The following NEXMIF variants were observed in gnomAD, a reference collection of about 807,000 sequenced individuals.
NEXMIF encodes neurite extension and migration factor.
A neutral mutation model predicts 62.1 loss-of-function variants in NEXMIF; 8 were observed. That is an observed-to-expected ratio of 0.13 (90% CI 0.08 to 0.23). NEXMIF has a LOEUF of 0.23. Ranked by LOEUF, NEXMIF falls within the 10% of genes least tolerant of loss-of-function variation. The pLI, the probability that NEXMIF is intolerant of heterozygous loss-of-function variation, is 1.00. For missense variants in NEXMIF, 976 were observed against 1,113.3 expected, an observed-to-expected ratio of 0.88 and a Z score of 1.75; for synonymous variants, 404 against 416.6, an observed-to-expected ratio of 0.97 and a Z score of 0.37.
At chrX:74,842,847 T>A (rs763432590) in intron 1 of NEXMIF, among the ~76,000 whole-genome samples, 1 of 112,456 alleles carries the variant, frequency 8.9e-6, no homozygotes, top group East Asian at 2.8e-4. Context: ...GTGTTTGGTA[T>A]GAATGTGGAT....
chrX:74,803,408 T>A (rs1476977068), intron 1 of NEXMIF, among the ~76,000 whole-genome samples: 1 of 109,030 alleles, frequency 9.2e-6, no homozygotes, highest in African/African-American at 3.4e-5. Context: ...AATAAATAAA[T>A]AAATAAATAA....
intron 1 of NEXMIF, among the ~76,000 whole-genome samples, chrX:74,785,010 G>A (rs2147460811): frequency 9.0e-6 from 1 of 111,666 alleles, no homozygotes; most frequent in Admixed American, 9.6e-5. Flanking sequence ...ATTGTTGGAG[G>A]ATTAAGCACA....
chrX:74,742,206 C>T lies in NEXMIF; in HGVS notation c.2351G>A (p.Ser784Asn), dbSNP rs770027434. 8.3e-7 allele frequency: 1 copy of T among 1,209,593 alleles called. No homozygotes were observed. Among genetic ancestry groups the T allele is most frequent in the Non-Finnish European group, 1.1e-6 (1 of 894,909 alleles). Residue 784 changes from serine (S) to asparagine (N), a missense_variant, in exon 3 of 4, where the codon AGT becomes AAT. Around this residue, in one of 5 missense-constraint regions of NEXMIF, gnomAD observed 639 missense variants for 694.5 expected, o/e 0.92. Coordinates refer to ENST00000055682, the MANE Select transcript of NEXMIF (RefSeq NM_001008537.3). ...GCATGTCGTTGGTAGAAAAGTGGAACTCTTAGCAGCCTTTGCCTCATGAAA... is the reference window on the plus strand; with the variant it reads ...GCATGTCGTTGGTAGAAAAGTGGAATTCTTAGCAGCCTTTGCCTCATGAAA... ...SEFHEAKAAK[S>N]STFLPTTCSS...
chrX:74,872,912 T>G (rs920947914), intron 1 of NEXMIF, among the ~76,000 whole-genome samples: 2 of 110,522 alleles, frequency 1.8e-5, no homozygotes, highest in African/African-American at 6.6e-5. Flanking sequence ...AATGCTGTAG[T>G]GCAATGCCTT....
At chrX:74,834,373 T>C (rs758315403) in intron 1 of NEXMIF, among the ~76,000 whole-genome samples, 1 of 111,272 alleles carries the variant, frequency 9.0e-6, no homozygotes, top group Admixed American at 9.6e-5. Context: ...ATTCTGTGTT[T>C]TTCTGTGTAC....
chrX:74,811,786 T>A (rs1386612785), intron 1 of NEXMIF, among the ~76,000 whole-genome samples: 1 of 112,966 alleles, frequency 8.9e-6, no homozygotes, highest in Non-Finnish European at 1.9e-5. Context: ...TCCCCCTTTC[T>A]GGGCTCCCTA....
chrX:74,742,442 T>C lies in NEXMIF; in HGVS notation c.2115A>G (p.Gln705=). 1 of 1,211,030 alleles carries C rather than the reference T, an allele frequency of 8.3e-7. No homozygotes were observed. The highest frequency in any genetic ancestry group is 1.1e-6 in the Non-Finnish European group (1 of 895,095). The change falls in exon 3 of 4, where the codon CAA becomes CAG. Residue 705 remains glutamine, a synonymous_variant. Transcript: ENST00000055682. ...TGPDSVKVKA[Q]DTEFKGPERK... ...TCTCTGGCCCCTTAAACTCTGTGTC[T>C]TGGGCTTTGACTTTCACTGAGTCAG...
At chrX:74,816,362 A>C (rs986323365) in intron 1 of NEXMIF, among the ~76,000 whole-genome samples, 19 of 112,209 alleles carry the variant, frequency 1.7e-4, no homozygotes, top group African/African-American at 6.1e-4. Context: ...GTTAGGTTAA[A>C]TTAACACATC....
intron 1 of NEXMIF, among the ~76,000 whole-genome samples, chrX:74,873,768 T>C (rs2080614982): frequency 8.9e-6 from 1 of 112,380 alleles, no homozygotes; most frequent in Admixed American, 9.4e-5. Context: ...TTTCATGTGT[T>C]TTTTGGCTGC....
At chrX:74,794,822 G>A (rs756146717) in intron 1 of NEXMIF, among the ~76,000 whole-genome samples, 18 of 111,882 alleles carry the variant, frequency 1.6e-4, no homozygotes, top group African/African-American at 5.2e-4. Context: ...GCAATGCCTC[G>A]CCCTGCTTTG....
intron 1 of NEXMIF, among the ~76,000 whole-genome samples, chrX:74,887,575 T>A: frequency 9.0e-6 from 1 of 111,646 alleles, no homozygotes. Context: ...ATCAGAGAAA[T>A]GCAAATCAAA....
intron 1 of NEXMIF, among the ~76,000 whole-genome samples, chrX:74,844,116 T>A (rs1234720239): frequency 8.9e-6 from 1 of 111,797 alleles, no homozygotes; most frequent in African/African-American, 3.3e-5. Context: ...GCTCCCAGTC[T>A]CTTCTGGCTT....
rs2080840277 is a variant in NEXMIF, at chrX:74,925,147, T to C, written c.-312A>G. ...GCCGCGCTAGATGGAGTCAGAGCTG[T>C]CGGGCTCTGGCCCTGAAACTCAGAG... On this transcript the variant is annotated 5_prime_UTR_variant, in exon 1 of 4. Transcript: ENST00000055682. 8.6e-6 allele frequency: 1 copy of C among 116,307 alleles called. No individual in the cohort carries two copies. Among genetic ancestry groups the C allele is most frequent in the African/African-American group, 3.2e-5 (1 of 31,323 alleles). The allele number at this position is 116,307 out of a possible 1,213,427, so 9.6% of individuals were successfully genotyped here.
At chrX:74,796,199 TACATATATATTA>T (rs1569345185) in intron 1 of NEXMIF, among the ~76,000 whole-genome samples, 2 of 66,943 alleles carry the variant, frequency 3.0e-5, no homozygotes, top group African/African-American at 1.2e-4. Context: ...ATTATATATA[TACATATATATTA>T]TATATATATA....
intron 1 of NEXMIF, among the ~76,000 whole-genome samples, chrX:74,887,678 A>G (rs1020472774): frequency 3.6e-5 from 4 of 111,099 alleles, no homozygotes; most frequent in Non-Finnish European, 7.6e-5. Context: ...GAGAAATAGG[A>G]ACACTTTTAC....
At chrX:74,866,655 G>T (rs1025043912) in intron 1 of NEXMIF, among the ~76,000 whole-genome samples, 6 of 112,553 alleles carry the variant, frequency 5.3e-5, no homozygotes, top group African/African-American at 1.9e-4. Context: ...GAGGGACCTG[G>T]TGGGACATAA....
chrX:74,799,197 T>C (rs1347530644), intron 1 of NEXMIF, among the ~76,000 whole-genome samples: 1 of 110,775 alleles, frequency 9.0e-6, no homozygotes, highest in Middle Eastern at 4.2e-3. Context: ...GACTAGTTGT[T>C]GAGTCAATAA....
intron 1 of NEXMIF, among the ~76,000 whole-genome samples, chrX:74,761,600 T>C (rs1313205789): frequency 3.6e-5 from 4 of 111,449 alleles, no homozygotes; most frequent in African/African-American, 1.3e-4. Flanking sequence ...TATTTATTTG[T>C]ATCTTCTCTC....
chrX:74,922,790 GTA>G (rs2080831406), intron 1 of NEXMIF, among the ~76,000 whole-genome samples: 1 of 111,588 alleles, frequency 9.0e-6, no homozygotes, highest in African/African-American at 3.3e-5. Context: ...CAGTTTATCA[GTA>G]TATTGTTAAA....
Sources: gnomAD v4.1 joint callset for allele counts (sites outside exome capture counted in the v4.1 genomes callset) on GRCh38, gnomAD v4.1.1 for gene constraint, gnomAD v4.1.1 regional missense constraint, MANE v1.5 for transcripts, NCBI Gene and HGNC (gene_info 2026-07-23, HGNC 2026-07-21) for gene names.